FBXL17: variants seen among roughly 807,000 people sequenced by gnomAD.
FBXL17 encodes F-box and leucine rich repeat protein 17.
A neutral mutation model predicts 66.2 loss-of-function variants in FBXL17; 22 were observed. The observed-to-expected ratio is 0.33, with a 90% CI of 0.24 to 0.47. The LOEUF (loss-of-function observed/expected upper bound fraction) is 0.47. Ranked by LOEUF, FBXL17 falls within the 20% of genes least tolerant of loss-of-function variation. The pLI is 1.00. For missense variants in FBXL17, 878 were observed against 948.2 expected (o/e 0.93, Z 0.97); for synonymous variants, 474 against 400.5 (o/e 1.18, Z -2.19).
At chr5:108,327,230 G>C (rs905318214) in intron 4 of FBXL17, among the ~76,000 whole-genome samples, 2 of 152,170 alleles carry the variant, frequency 1.3e-5, no homozygotes, top group African/African-American at 2.4e-5. Context: ...TCCAGACTTA[G>C]ACTAAGGTTG....
intron 6 of FBXL17, among the ~76,000 whole-genome samples, chr5:108,090,561 T>C (rs1420513381): frequency 3.9e-5 from 6 of 152,220 alleles, no homozygotes; most frequent in Admixed American, 2.0e-4. Context: ...TCAGCCACTG[T>C]AGCAGAAAAG....
intron 4 of FBXL17, among the ~76,000 whole-genome samples, chr5:108,333,910 G>A (rs959499207): frequency 2.0e-5 from 3 of 152,028 alleles, no homozygotes; most frequent in Admixed American, 2.0e-4. Context: ...TTACCATGAG[G>A]AGACCTGCTA....
chr5:108,035,800 A>G (rs1746819536), intron 6 of FBXL17, among the ~76,000 whole-genome samples: 1 of 152,046 alleles, frequency 6.6e-6, no homozygotes, highest in South Asian at 2.1e-4. Context: ...CCAAACACCT[A>G]AAGCACTCTA....
At chr5:108,317,350 A>G (rs184587465) in intron 4 of FBXL17, among the ~76,000 whole-genome samples, 10 of 149,984 alleles carry the variant, frequency 6.7e-5, no homozygotes, top group Admixed American at 6.0e-4. Context: ...TTTTTTAACT[A>G]GAAAAGATCT....
intron 6 of FBXL17, among the ~76,000 whole-genome samples, chr5:108,105,320 T>A (rs1056214119): frequency 7.2e-5 from 11 of 152,192 alleles, no homozygotes; most frequent in African/African-American, 2.7e-4. Context: ...AAAAACACAA[T>A]GGAAAGAAAG....
At chr5:108,181,004 T>C (rs2150026439) in intron 6 of FBXL17, among the ~76,000 whole-genome samples, 1 of 152,266 alleles carries the variant, frequency 6.6e-6, no homozygotes, top group Middle Eastern at 3.4e-3. Flanking sequence ...GAAAACAGCT[T>C]TTGTAAAGAT....
At chr5:108,357,345 A>G (rs147137101) in intron 3 of FBXL17, among the ~76,000 whole-genome samples, 182 of 152,174 alleles carry the variant, frequency 1.2e-3, no homozygotes, top group African/African-American at 4.3e-3. Flanking sequence ...ATGTGAAGCA[A>G]AAACTGTTAG....
chr5:107,906,844 T>A (rs1328163888), intron 7 of FBXL17, among the ~76,000 whole-genome samples: 1 of 152,184 alleles, frequency 6.6e-6, no homozygotes, highest in East Asian at 1.9e-4. Context: ...AACTACACAT[T>A]CATTAACATT....
intron 7 of FBXL17, among the ~76,000 whole-genome samples, chr5:107,989,602 G>C (rs2112689041): frequency 6.6e-6 from 1 of 152,222 alleles, no homozygotes; most frequent in South Asian, 2.1e-4. Flanking sequence ...AGTAATAGAA[G>C]TGCAGCTATC....
chr5:108,180,123 T>C (rs546834963), intron 6 of FBXL17, among the ~76,000 whole-genome samples: 1 of 152,326 alleles, frequency 6.6e-6, no homozygotes, highest in East Asian at 1.9e-4. Context: ...TTTTAAATAC[T>C]GTATATGCCA....
At chr5:108,058,322 A>T (rs1747789113) in intron 6 of FBXL17, among the ~76,000 whole-genome samples, 1 of 152,242 alleles carries the variant, frequency 6.6e-6, no homozygotes, top group Non-Finnish European at 1.5e-5. Flanking sequence ...GAAGAGGAAC[A>T]TCTTACATTT....
intron 7 of FBXL17, among the ~76,000 whole-genome samples, chr5:107,939,660 T>C (rs1751029905): frequency 6.6e-6 from 1 of 152,336 alleles, no homozygotes; most frequent in Non-Finnish European, 1.5e-5. Flanking sequence ...CAGTATTTCC[T>C]AATTTCAATC....
At chr5:108,314,238 A>G (rs1368901731) in intron 4 of FBXL17, among the ~76,000 whole-genome samples, 2 of 151,724 alleles carry the variant, frequency 1.3e-5, no homozygotes, top group African/African-American at 4.8e-5. Flanking sequence ...TTTCTCTTGA[A>G]CTGTGATAAA....
rs145056193 is a variant in FBXL17, at chr5:108,321,914, G to C, written c.1506+26485C>G. 6.9e-3 allele frequency among the ~76,000 whole-genome samples: 1,045 copies of C among 151,916 alleles called. 18 individuals carry two copies. The highest frequency in any genetic ancestry group is 0.024 in the African/African-American group (987 of 41,490). ...AAAATGAGCCAAGGACACAGTTACA[G>C]AAAAAGAAACCCAAACGGTTTTTAA... is the stretch of plus-strand genomic sequence containing the variant. On this transcript the variant is annotated intron_variant, in intron 4 of 8. Transcript: ENST00000542267.
intron 4 of FBXL17, among the ~76,000 whole-genome samples, chr5:108,252,918 T>C (rs567453212): frequency 1.7e-4 from 26 of 152,302 alleles, no homozygotes; most frequent in Non-Finnish European, 2.8e-4. Context: ...CAGTTACACC[T>C]ATACTCTTAG....
intron 7 of FBXL17, among the ~76,000 whole-genome samples, chr5:107,907,602 A>C (rs1038221158): frequency 6.6e-6 from 1 of 152,114 alleles, no homozygotes; most frequent in African/African-American, 2.4e-5. Context: ...TTACAAGAAA[A>C]AAACAAACAA....
intron 6 of FBXL17, among the ~76,000 whole-genome samples, chr5:108,159,693 T>C (rs1019280533): frequency 1.3e-5 from 2 of 152,212 alleles, no homozygotes; most frequent in Non-Finnish European, 2.9e-5. Context: ...CATTCTGTTA[T>C]AGCAACCTGA....
chr5:108,197,928 C>T (rs1039055984), intron 5 of FBXL17, among the ~76,000 whole-genome samples: 1 of 152,064 alleles, frequency 6.6e-6, no homozygotes, highest in Non-Finnish European at 1.5e-5. Flanking sequence ...AATGCCTAAA[C>T]CTTAATTTCA....
intron 6 of FBXL17, among the ~76,000 whole-genome samples, chr5:108,167,289 T>C (rs1752449077): frequency 6.6e-6 from 1 of 152,200 alleles, no homozygotes; most frequent in Admixed American, 6.5e-5. Context: ...ACCATGAGGC[T>C]AAGATGGTGA....
Sources: gnomAD v4.1 joint callset for allele counts (sites outside exome capture counted in the v4.1 genomes callset) on GRCh38, gnomAD v4.1.1 for gene constraint, MANE v1.5 for transcripts, NCBI Gene and HGNC (gene_info 2026-07-23, HGNC 2026-07-21) for gene names.